Variants in RSPH14 observed in about 807,000 individuals in gnomAD.
RSPH14 encodes radial spoke head 14 homolog.
Under a neutral mutation model 26.7 loss-of-function variants are expected in RSPH14, and 20 were observed. That is an observed-to-expected ratio of 0.75 (90% CI 0.53 to 1.09). The LOEUF is 1.09. RSPH14 is among the 50% of genes least tolerant of loss of function. RSPH14 has a pLI of 0.00. For missense variants in RSPH14, 449 were observed against 457.2 expected (o/e 0.98, Z 0.16); for synonymous variants, 177 against 189.3 (o/e 0.93, Z 0.53).
At chr22:23,173,500 G>T in the RSPH14 span, among the ~76,000 whole-genome samples, 5 of 152,048 alleles carry the variant, frequency 3.3e-5, no homozygotes, top group East Asian at 9.7e-4. Flanking sequence ...GAGTGCAGGG[G>T]TATGATCATA....
the RSPH14 span, chr22:23,156,140 T>TATGAGAAAA: frequency 1.0e-6 from 1 of 955,892 alleles, no homozygotes; most frequent in Non-Finnish European, 1.6e-6. Flanking sequence ...TTTTTTGTCC[T>TATGAGAAAA]CCAAGACCCA....
the RSPH14 span, among the ~76,000 whole-genome samples, chr22:23,165,947 C>A: frequency 6.6e-6 from 1 of 152,066 alleles, no homozygotes; most frequent in Non-Finnish European, 1.5e-5. Context: ...GAGATAGAGA[C>A]CATCCTGGCT....
the RSPH14 span, chr22:23,155,946 TTC>T: frequency 6.3e-7 from 1 of 1,599,772 alleles, no homozygotes; most frequent in Non-Finnish European, 8.5e-7. Flanking sequence ...CCATTTCCCT[TTC>T]TTTCTCACCC....
chr22:23,090,852 C>T lies in RSPH14; in HGVS notation c.422-26719G>A, dbSNP rs1451471830. On this transcript the variant is annotated intron_variant, in intron 4 of 6. Transcript: ENST00000216036. Reference sequence around the variant, plus strand: ...GCCTGTAGTCTGACTCCTGCCCTCCCACCTGAGCAAAAATAGGGAATAGAT... The same window carrying T: ...GCCTGTAGTCTGACTCCTGCCCTCCTACCTGAGCAAAAATAGGGAATAGAT... Among the ~76,000 whole-genome samples, 5 of 152,332 alleles carry T rather than the reference C, an allele frequency of 3.3e-5. No individual in the cohort carries two copies. In the South Asian group the frequency reaches 1.0e-3, roughly 32 times the overall value.
intron 4 of RSPH14, chr22:23,125,053 G>A (rs1328398438): frequency 3.3e-5 from 5 of 152,230 alleles, no homozygotes; most frequent in Admixed American, 6.5e-5. Context: ...GTCCCAGTGT[G>A]CTATGTGTGT....
At chr22:23,116,414 A>G (rs1420270161) in intron 4 of RSPH14, among the ~76,000 whole-genome samples, 1 of 152,260 alleles carries the variant, frequency 6.6e-6, no homozygotes, top group African/African-American at 2.4e-5. Flanking sequence ...GGACATTTGC[A>G]GTGCAGGAGG....
At position 23,140,215 on chromosome 22, in the gene RSPH14, C is replaced by G; in HGVS notation, c.199+7G>C. 1 of 1,612,946 alleles carries G rather than the reference C, an allele frequency of 6.2e-7. No homozygotes were observed. Among genetic ancestry groups the G allele is most frequent in the Non-Finnish European group, 8.5e-7 (1 of 1,180,006 alleles). On this transcript the variant is annotated splice_region_variant and intron_variant, in intron 2 of 6. Transcript: ENST00000216036. ...AGTCATGGTCACCTGTGCTGTGTCA[C>G]GCTCACCTATGTTCATGGCCTTGTA...
chr22:23,109,828 CCTT>C (rs1196638741), intron 4 of RSPH14, among the ~76,000 whole-genome samples: 1 of 152,184 alleles, frequency 6.6e-6, no homozygotes, highest in Non-Finnish European at 1.5e-5. Flanking sequence ...CATAGGCAGG[CCTT>C]CTGCTGGGAG....
chr22:23,157,954 T>C, the RSPH14 span: 3 of 1,613,824 alleles, frequency 1.9e-6, no homozygotes, highest in Non-Finnish European at 2.5e-6. Context: ...TCGCCTCGCC[T>C]GGCACTGATT....
At chr22:23,174,219 C>T in the RSPH14 span, among the ~76,000 whole-genome samples, 9 of 150,732 alleles carry the variant, frequency 6.0e-5, no homozygotes, top group East Asian at 2.0e-4. Context: ...GGGTGTGTGA[C>T]GGTGTGTGTG....
the RSPH14 span, chr22:23,163,069 G>A: frequency 1.2e-5 from 3 of 248,986 alleles, no homozygotes; most frequent in Admixed American, 1.5e-4. Context: ...GCACCACCAT[G>A]CCTGGCTAAT....
At chr22:23,094,365 G>A (rs2069065483) in intron 4 of RSPH14, among the ~76,000 whole-genome samples, 2 of 152,034 alleles carry the variant, frequency 1.3e-5, no homozygotes, top group Admixed American at 1.3e-4. Context: ...CCTAGGGTGT[G>A]CCCCTCCCTG....
upstream of RSPH14, among the ~76,000 whole-genome samples, chr22:23,149,085 G>GTA (rs1460095523): frequency 6.6e-6 from 1 of 152,138 alleles, no homozygotes; most frequent in African/African-American, 2.4e-5. Flanking sequence ...TGAGAGGGCA[G>GTA]ATGGGCCAGG....
chr22:23,095,411 C>T (rs561431682), intron 4 of RSPH14: 17 of 417,700 alleles, frequency 4.1e-5, no homozygotes, highest in Middle Eastern at 6.2e-4. Context: ...CCACCGTCGC[C>T]GAGGACAGGG....
Position 23,061,924 on chromosome 22 carries a change from T to C in RSPH14, c.675A>G (p.Lys225=), listed in dbSNP as rs1375855901. ...LNVSISREGK[K]QVCHFDVIPI... ...GGATGACGTCAAAATGACACACCTG[T>C]TTCTTGCCCTCTCGAGATATGCTGG... is the stretch of plus-strand genomic sequence containing the variant. The change falls in exon 6 of 7, where the codon AAA becomes AAG. Residue 225 remains lysine, a synonymous_variant. Transcript: ENST00000216036. 1 of 1,614,088 alleles carries C rather than the reference T, an allele frequency of 6.2e-7. No homozygotes were observed. Among genetic ancestry groups the C allele is most frequent in the East Asian group, 2.2e-5 (1 of 44,880 alleles).
intron 4 of RSPH14, among the ~76,000 whole-genome samples, chr22:23,106,914 T>C (rs2069498302): frequency 6.6e-6 from 1 of 152,008 alleles, no homozygotes; most frequent in African/African-American, 2.4e-5. Flanking sequence ...TTACTACGGG[T>C]CACCCCACCC....
At chr22:23,106,690 C>T (rs1177237466) in intron 4 of RSPH14, among the ~76,000 whole-genome samples, 1 of 152,244 alleles carries the variant, frequency 6.6e-6, no homozygotes. Flanking sequence ...GGCCCAGAGA[C>T]GTGAGCGGTT....
chr22:23,124,724 T>G, intron 4 of RSPH14: 1 of 179,920 alleles, frequency 5.6e-6, no homozygotes. Flanking sequence ...CAGCCAGCGT[T>G]GTGGCCTGAG....
chr22:23,084,061 C>T (rs1384553359), intron 4 of RSPH14, among the ~76,000 whole-genome samples: 1 of 152,098 alleles, frequency 6.6e-6, no homozygotes, highest in African/African-American at 2.4e-5. Flanking sequence ...GCTATGCAGG[C>T]GATCTTTCCC....
Sources: allele counts gnomAD v4.1 joint callset (sites outside exome capture counted in the v4.1 genomes callset), GRCh38; gene constraint gnomAD v4.1.1; transcripts MANE v1.5; gene names NCBI Gene and HGNC (gene_info 2026-07-23, HGNC 2026-07-21).